The following RBFOX1 variants were observed in gnomAD, a reference collection of about 807,000 sequenced individuals.
RBFOX1 encodes RNA binding fox-1 homolog 1.
Under a neutral mutation model 57.7 loss-of-function variants are expected in RBFOX1, and 8 were observed. That is an observed-to-expected ratio of 0.14 (90% CI 0.08 to 0.25). The LOEUF (loss-of-function observed/expected upper bound fraction) is 0.25. Among genes scored for constraint, RBFOX1 ranks in the 10% least tolerant of loss-of-function variants. The pLI is 1.00. For synonymous variants in RBFOX1, 326 were observed against 222.4 expected (o/e 1.47, Z -4.15); for missense variants, 611 against 548.5 (o/e 1.11, Z -1.14).
At chr16:5,795,368 A>T (rs771643577) in intron 3 of RBFOX1, among the ~76,000 whole-genome samples, 14 of 151,308 alleles carry the variant, frequency 9.3e-5, no homozygotes, top group Non-Finnish European at 1.3e-4. Flanking sequence ...CAGTGGCGAG[A>T]TCATGGCTCA....
At chr16:6,648,393 C>G (rs1602645925) in intron 2 of RBFOX1, among the ~76,000 whole-genome samples, 2 of 152,098 alleles carry the variant, frequency 1.3e-5, no homozygotes, top group East Asian at 3.9e-4. Context: ...GGGTTGCAGA[C>G]TCCACGTTGA....
At chr16:7,211,578 TAAAAG>T (rs1034302171) in intron 4 of RBFOX1, among the ~76,000 whole-genome samples, 3 of 151,968 alleles carry the variant, frequency 2.0e-5, no homozygotes, top group African/African-American at 7.3e-5. Context: ...CCTTGAGTCT[TAAAAG>T]AGAGAGAAAG....
chr16:6,008,798 G>A (rs953075778), intron 4 of RBFOX1, among the ~76,000 whole-genome samples: 9 of 152,310 alleles, frequency 5.9e-5, no homozygotes, highest in East Asian at 3.9e-4. Context: ...TGTGTTCTCC[G>A]TGAACTGCTC....
intron 2 of RBFOX1, among the ~76,000 whole-genome samples, chr16:6,581,594 T>A (rs1262399538): frequency 1.3e-5 from 2 of 152,194 alleles, no homozygotes; most frequent in Non-Finnish European, 2.9e-5. Flanking sequence ...ATCGATCTCA[T>A]GTCAGTCATG....
intron 2 of RBFOX1, among the ~76,000 whole-genome samples, chr16:6,360,852 C>G (rs2088346391): frequency 6.6e-6 from 1 of 152,274 alleles, no homozygotes; most frequent in South Asian, 2.1e-4. Flanking sequence ...TACAGTTGTT[C>G]AGTGTGTAGT....
chr16:6,670,168 A>G (rs2098755293), intron 3 of RBFOX1, among the ~76,000 whole-genome samples: 1 of 151,564 alleles, frequency 6.6e-6, no homozygotes, highest in African/African-American at 2.4e-5. Context: ...ACTCAGTGTG[A>G]TCCTCCTACA....
At chr16:6,992,618 A>G (rs1437149147) in intron 3 of RBFOX1, among the ~76,000 whole-genome samples, 1 of 152,032 alleles carries the variant, frequency 6.6e-6, no homozygotes, top group African/African-American at 2.4e-5. Flanking sequence ...AGGACTTAAA[A>G]ACTAGGTAAG....
At chr16:6,393,735 G>C (rs769874601) in intron 2 of RBFOX1, among the ~76,000 whole-genome samples, 5 of 152,092 alleles carry the variant, frequency 3.3e-5, no homozygotes, top group Non-Finnish European at 5.9e-5. Context: ...TTAAGGAAAG[G>C]CAAGGCTGTG....
At chr16:6,106,196 C>T (rs1597363391) in intron 1 of RBFOX1, among the ~76,000 whole-genome samples, 1 of 152,054 alleles carries the variant, frequency 6.6e-6, no homozygotes, top group African/African-American at 2.4e-5. Context: ...GTAGCTCCTG[C>T]CTGTAATTCC....
intron 4 of RBFOX1, among the ~76,000 whole-genome samples, chr16:6,009,889 A>G (rs1002752701): frequency 5.9e-5 from 9 of 151,800 alleles, no homozygotes; most frequent in African/African-American, 2.2e-4. Context: ...TTCCTGAATC[A>G]GAATCTCCAG....
intron 4 of RBFOX1, among the ~76,000 whole-genome samples, chr16:7,437,038 A>C (rs2098727478): frequency 6.6e-6 from 1 of 152,158 alleles, no homozygotes; most frequent in Non-Finnish European, 1.5e-5. Context: ...CCAAGATCAC[A>C]CCACTGCACT....
At chr16:7,078,450 C>G (rs1001823730) in intron 4 of RBFOX1, among the ~76,000 whole-genome samples, 1 of 152,064 alleles carries the variant, frequency 6.6e-6, no homozygotes, top group Admixed American at 6.6e-5. Context: ...CGGATTCAAG[C>G]GGTTCTCCTA....
At chr16:7,438,868 A>G (rs777374728) in intron 4 of RBFOX1, among the ~76,000 whole-genome samples, 6 of 152,190 alleles carry the variant, frequency 3.9e-5, no homozygotes, top group African/African-American at 7.2e-5. Context: ...TGCTCTGTCA[A>G]TGGCTGAGTG....
At chr16:5,249,458 C>T (rs558503626) in intron 1 of RBFOX1, among the ~76,000 whole-genome samples, 15 of 152,318 alleles carry the variant, frequency 9.8e-5, no homozygotes, top group East Asian at 5.8e-4. Context: ...TGGGAGGGGA[C>T]GTGCACGGCC....
intron 4 of RBFOX1, among the ~76,000 whole-genome samples, chr16:7,144,851 T>C (rs2074608458): frequency 6.6e-6 from 1 of 152,158 alleles, no homozygotes; most frequent in Non-Finnish European, 1.5e-5. Flanking sequence ...TGCTGAAGGT[T>C]GCCATTTAGC....
chr16:7,686,977 C>G (rs770121871), intron 14 of RBFOX1, among the ~76,000 whole-genome samples: 5 of 152,056 alleles, frequency 3.3e-5, no homozygotes, highest in Non-Finnish European at 7.4e-5. Flanking sequence ...CAGACCTTAT[C>G]TTCTTTCTGT....
At chr16:6,816,752 AAG>A (rs1431429271) in intron 3 of RBFOX1, among the ~76,000 whole-genome samples, 5 of 151,414 alleles carry the variant, frequency 3.3e-5, no homozygotes, top group African/African-American at 4.8e-5. Context: ...AAAAAAAAAA[AAG>A]GAAGAAAAGA....
intron 4 of RBFOX1, among the ~76,000 whole-genome samples, chr16:7,135,064 T>G (rs74009055): frequency 0.011 from 1,638 of 152,138 alleles, 34 homozygotes; most frequent in African/African-American, 0.037. Flanking sequence ...ATAAAGAAGG[T>G]TTTAAAACTT....
At chr16:6,895,434 GTGTGTGTGTGTGTGTATA>G (rs1366579053) in intron 3 of RBFOX1, among the ~76,000 whole-genome samples, 10 of 91,664 alleles carry the variant, frequency 1.1e-4, no homozygotes, top group Non-Finnish European at 1.6e-4. Context: ...GTGTGTGTGT[GTGTGTGTGTGTGTGTATA>G]TATATATATA....
Sources: gnomAD v4.1 joint callset for allele counts (sites outside exome capture counted in the v4.1 genomes callset) on GRCh38, gnomAD v4.1.1 for gene constraint, MANE v1.5 for transcripts, NCBI Gene and HGNC (gene_info 2026-07-23, HGNC 2026-07-21) for gene names.